SPANXD: variants seen among roughly 807,000 people sequenced by gnomAD.
The protein encoded by SPANXD is SPANX family member D.
In SPANXD, 2 loss-of-function variants were observed where a neutral mutation model predicts 1.8. The observed-to-expected ratio is 1.10, with a 90% CI of 0.45 to 3.47. SPANXD has a LOEUF of 3.47. Among genes scored for constraint, SPANXD ranks in the 30% most tolerant of loss-of-function variants. SPANXD has a pLI of 0.08. For synonymous variants in SPANXD, 30 were observed against 32.9 expected (o/e 0.91, Z 0.30); for missense variants, 80 against 81.6 (o/e 0.98, Z 0.07).
rs2016822911 is a variant in SPANXD, at chrX:141,698,477, C to G, written c.-72G>C. 8.5e-7 allele frequency: 1 copy of G among 1,171,394 alleles called. No individual in the cohort carries two copies. Among genetic ancestry groups the G allele is most frequent in the African/African-American group, 1.9e-5 (1 of 51,771 alleles). ...TGAATCTTCTCAGTGGCCCGGAGCT[C>G]TTGCCCTCCCTATGTATACCCTCCT... On this transcript the variant is annotated 5_prime_UTR_variant, in exon 1 of 2. Transcript: ENST00000370515.
intron 1 of SPANXD, 64 bp from the exon 2 acceptor site, chrX:141,697,750 T>G: frequency 9.2e-7 from 1 of 1,084,707 alleles, no homozygotes; most frequent in Non-Finnish European, 1.3e-6. Context: ...AGAGACTGGA[T>G]AGCAAGGGGG....
At position 141,698,612 on chromosome X, in the gene SPANXD, A is replaced by G; in HGVS notation, c.-207T>C. 1.5e-6 allele frequency: 1 copy of G among 667,480 alleles called. No individual in the cohort carries two copies. The highest frequency in any genetic ancestry group is 3.6e-5 in the East Asian group (1 of 27,520). 55.0% of individuals were successfully genotyped at this position (667,480 alleles called of 1,213,427 possible). ...ACGTCACAAAGCCCCACTGCTGACC[A>G]CTCCCTGGGCTTGCGGGCGAGGGGT... On this transcript the variant is annotated 5_prime_UTR_variant, in exon 1 of 2. Transcript: ENST00000370515.
chrX:141,697,708 G>C, intron 1 of SPANXD, 22 bp from the exon 2 acceptor site: 2 of 1,190,598 alleles, frequency 1.7e-6, no homozygotes, highest in Non-Finnish European at 2.3e-6. Flanking sequence ...ACAGGGAGAG[G>C]CCAGGAGGAC....
rs201337521 is a variant in SPANXD, at chrX:141,697,546, G to T, written c.213C>A (p.His71Gln). The change falls in exon 2 of 2, where the codon CAC becomes CAA. Residue 71 changes from histidine (H) to glutamine (Q), a missense_variant. Around this residue, in one of 2 missense-constraint regions of SPANXD, gnomAD observed 78 missense variants for 58.7 expected, o/e 1.33. Transcript: ENST00000370515. ...RTSPEELVND[H>Q]ARKNRINPLQ... Reference sequence around the variant, plus strand: ...GGGGGTTGATTCTGTTCTTTCGGGCGTGGTCATTCACCAGTTCCTCTGGAG... The same window carrying T: ...GGGGGTTGATTCTGTTCTTTCGGGCTTGGTCATTCACCAGTTCCTCTGGAG... The T allele has an allele frequency of 5.0e-6, 6 of 1,204,651 alleles. No individual in the cohort carries two copies. In the African/African-American group the frequency reaches 8.9e-5, roughly 18 times the overall value.
chrX:141,698,615 C>T lies in SPANXD; in HGVS notation c.-210G>A, dbSNP rs868991881. 3.1e-5 allele frequency: 20 copies of T among 643,924 alleles called. No individual in the cohort carries two copies. The South Asian group carries it at 5.0e-4, about 16-fold the overall frequency. 53.1% of individuals were successfully genotyped at this position (643,924 alleles called of 1,213,427 possible). ...TCACAAAGCCCCACTGCTGACCACT[C>T]CCTGGGCTTGCGGGCGAGGGGTGAC... is the stretch of plus-strand genomic sequence containing the variant. On this transcript the variant is annotated 5_prime_UTR_variant, in exon 1 of 2. Transcript: ENST00000370515.
chrX:141,697,616 G>T lies in SPANXD; in HGVS notation c.143C>A (p.Ser48Ter), dbSNP rs199908821. The T allele has an allele frequency of 1.9e-4, 223 of 1,189,521 alleles. 7 individuals carry two copies. Among genetic ancestry groups the T allele is most frequent in the Non-Finnish European group, 2.1e-4 (184 of 881,527 alleles). Residue 48 changes from serine (S) to a stop codon, truncating the protein, a stop_gained, in exon 2 of 2, where the codon TCG (serine) becomes TAG (stop). Coordinates refer to ENST00000370515, the MANE Select transcript of SPANXD (RefSeq NM_032417.4). LOFTEE classifies it low-confidence loss of function (END_TRUNC). The part of the protein sequence containing the change: ...APKKLKTSES[S>*]TILVVRYRRN... ...CCTGTAGCGAACCACTAGTATGGTC[G>T]AGGACTCAGATGTTTTTAGTTTTTT...
Position 141,697,571 on chromosome X carries a change from G to T in SPANXD, c.188C>A (p.Ser63Tyr). 8.3e-7 allele frequency: 1 copy of T among 1,206,300 alleles called. No homozygotes were observed. Among genetic ancestry groups the T allele is most frequent in the Non-Finnish European group, 1.1e-6 (1 of 892,306 alleles). ...VRYRRNFKRTSPEELVNDHAR... is the reference protein window; with the variant it reads ...VRYRRNFKRTYPEELVNDHAR... ...GTGGTCATTCACCAGTTCCTCTGGA[G>T]ATGTTCTTTTAAAGTTCCTCCTGTA... Residue 63 changes from serine to tyrosine, a missense_variant, in exon 2 of 2, where the codon TCT becomes TAT. Around this residue, in one of 2 missense-constraint regions of SPANXD, gnomAD observed 78 missense variants for 58.7 expected, o/e 1.33. Coordinates refer to ENST00000370515, the MANE Select transcript of SPANXD (RefSeq NM_032417.4).
chrX:141,697,604 A>C lies in SPANXD; in HGVS notation c.155T>G (p.Val52Gly). The C allele has an allele frequency of 8.3e-7, 1 of 1,202,226 alleles. No homozygotes were observed. Among genetic ancestry groups the C allele is most frequent in the Non-Finnish European group, 1.1e-6 (1 of 889,736 alleles). ...LKTSESSTIL[V>G]VRYRRNFKRT... The stretch of plus-strand genomic sequence containing the variant: ...TTTAAAGTTCCTCCTGTAGCGAACC[A>C]CTAGTATGGTCGAGGACTCAGATGT... The change falls in exon 2 of 2, where the codon GTG becomes GGG. Residue 52 changes from valine to glycine, a missense_variant. Physicochemically the swap from Val to Gly is moderately radical, Grantham distance 109 (BLOSUM62 -3). Transcript: ENST00000370515.
chrX:141,697,559 A>G lies in SPANXD; in HGVS notation c.200T>C (p.Leu67Pro), dbSNP rs782588209. 10 of 1,206,468 alleles carry G rather than the reference A, an allele frequency of 8.3e-6. No homozygotes were observed. Among genetic ancestry groups the G allele is most frequent in the South Asian group, 1.8e-5 (1 of 56,664 alleles). ...RNFKRTSPEE[L>P]VNDHARKNRI... ...GTTCTTTCGGGCGTGGTCATTCACCAGTTCCTCTGGAGATGTTCTTTTAAA... is the reference window on the plus strand; with the variant it reads ...GTTCTTTCGGGCGTGGTCATTCACCGGTTCCTCTGGAGATGTTCTTTTAAA... The change falls in exon 2 of 2, where the codon CTG (leucine) becomes CCG (proline). Residue 67 changes from leucine to proline, a missense_variant. Physicochemically the swap from Leu to Pro is moderately conservative, Grantham distance 98. This residue lies in a region of SPANXD where 78 missense variants were observed against 58.7 expected (regional missense o/e 1.33). Transcript: ENST00000370515.
rs1263632656 is a variant in SPANXD at position 141,698,622 on chromosome X, C to G, written c.-217G>C. Reference sequence around the variant, plus strand: ...GCCCCACTGCTGACCACTCCCTGGGCTTGCGGGCGAGGGGTGACAGGGGTG... The same window carrying G: ...GCCCCACTGCTGACCACTCCCTGGGGTTGCGGGCGAGGGGTGACAGGGGTG... On this transcript the variant is annotated 5_prime_UTR_variant, in exon 1 of 2. Coordinates refer to ENST00000370515, the MANE Select transcript of SPANXD (RefSeq NM_032417.4). 20 of 557,085 alleles carry G rather than the reference C, an allele frequency of 3.6e-5. No individual in the cohort carries two copies. Among genetic ancestry groups the G allele is most frequent in the Non-Finnish European group, 5.6e-5 (20 of 354,631 alleles). The allele number at this position is 557,085 out of a possible 1,213,427, so 45.9% of individuals were successfully genotyped here. A position where few individuals can be genotyped will look rare whatever the true frequency, so the allele number is the denominator to read the frequency against.
rs373261190 is a variant in SPANXD, at chrX:141,697,599, G to C, written c.160C>G (p.Arg54Gly). Residue 54 changes from arginine to glycine, a missense_variant, in exon 2 of 2, where the codon CGC (arginine) becomes GGC (glycine). Coordinates refer to ENST00000370515, the MANE Select transcript of SPANXD (RefSeq NM_032417.4). Reference sequence around the variant, plus strand: ...GTTCTTTTAAAGTTCCTCCTGTAGCGAACCACTAGTATGGTCGAGGACTCA... The same window carrying C: ...GTTCTTTTAAAGTTCCTCCTGTAGCCAACCACTAGTATGGTCGAGGACTCA... The part of the protein sequence containing the change: ...TSESSTILVV[R>G]YRRNFKRTSP... 6.6e-6 allele frequency: 8 copies of C among 1,203,308 alleles called. No individual in the cohort carries two copies. Among genetic ancestry groups the C allele is most frequent in the Non-Finnish European group, 7.9e-6 (7 of 890,489 alleles).
chrX:141,697,415 C>T lies in SPANXD; in HGVS notation c.*50G>A, dbSNP rs782778491. 8.3e-7 allele frequency: 1 copy of T among 1,208,604 alleles called. No individual in the cohort carries two copies. ...AGGCAGAGATATACACAGCCATCAG[C>T]TTCTCAAACTTTATTGTCATTGCCC... On this transcript the variant is annotated 3_prime_UTR_variant, in exon 2 of 2. Transcript: ENST00000370515.
chrX:141,697,649 G>A lies in SPANXD; in HGVS notation c.110C>T (p.Pro37Leu), dbSNP rs1556402415. The A allele has an allele frequency of 8.4e-7, 1 of 1,186,741 alleles. No individual in the cohort carries two copies. The highest frequency in any genetic ancestry group is 1.1e-6 in the Non-Finnish European group (1 of 880,100). Residue 37 changes from proline to leucine, a missense_variant, in exon 2 of 2, where the codon CCT (proline) becomes CTT (leucine). Pro to Leu is a moderately conservative substitution (Grantham distance 98). This residue lies in a region of SPANXD where 78 missense variants were observed against 58.7 expected (regional missense o/e 1.33). Transcript: ENST00000370515. ...ETSSGYSDPQ[P>L]APKKLKTSES... is the part of the protein sequence containing the mutation. The stretch of plus-strand genomic sequence containing the variant: ...AGATGTTTTTAGTTTTTTCGGAGCA[G>A]GTTGCGGGTCTGAGTACCCACTCGA...
chrX:141,697,521 G>C lies in SPANXD; in HGVS notation c.238C>G (p.Leu80Val), dbSNP rs150598024. 0.011 allele frequency: 12,771 copies of C among 1,193,525 alleles called. 113 individuals are homozygous for C. The highest frequency in any genetic ancestry group is 0.053 in the African/African-American group (2,891 of 54,614). ...DHARKNRINP[L>V]QMEEEEFMEI... The stretch of plus-strand genomic sequence containing the variant: ...ATGAATTCCTCCTCCTCCATTTGGA[G>C]GGGGTTGATTCTGTTCTTTCGGGCG... Residue 80 changes from leucine (L) to valine (V), a missense_variant, in exon 2 of 2, where the codon CTC (leucine) becomes GTC (valine). By Grantham distance (32) the Leu-to-Val change is conservative. Transcript: ENST00000370515.
In SPANXD at chrX:141,697,628, G is replaced by A. The variant is rs151331191; in HGVS notation, c.131C>T (p.Thr44Ile). ...CACTAGTATGGTCGAGGACTCAGAT[G>A]TTTTTAGTTTTTTCGGAGCAGGTTG... is the stretch of plus-strand genomic sequence containing the variant. ...DPQPAPKKLK[T>I]SESSTILVVR... Residue 44 changes from threonine to isoleucine, a missense_variant, in exon 2 of 2, where the codon ACA (threonine) becomes ATA (isoleucine). Thr to Ile is a moderately conservative substitution (Grantham distance 89). This residue lies in a region of SPANXD where 78 missense variants were observed against 58.7 expected (regional missense o/e 1.33). Coordinates refer to ENST00000370515, the MANE Select transcript of SPANXD (RefSeq NM_032417.4). 8.4e-6 allele frequency: 10 copies of A among 1,187,037 alleles called. No homozygotes were observed. The African/African-American group carries it at 1.6e-4, about 19-fold the overall frequency.
Position 141,698,528 on chromosome X carries a change from G to T in SPANXD, c.-123C>A, listed in dbSNP as rs1437008017. 16 of 746,395 alleles carry T rather than the reference G, an allele frequency of 2.1e-5. No homozygotes were observed. In the African/African-American group the frequency reaches 3.4e-4, roughly 16 times the overall value. 61.5% of individuals were successfully genotyped at this position (746,395 alleles called of 1,213,427 possible). A position where few individuals can be genotyped will look rare whatever the true frequency, so the allele number is the denominator to read the frequency against. ...GGTGACAAGGCAAAGCCACACCCTT[G>T]AGCTTTGTTTGATCATACAGGCAGT... On this transcript the variant is annotated 5_prime_UTR_variant, in exon 1 of 2. An upstream open reading frame in the 5' UTR gains an earlier in-frame stop. Coordinates refer to ENST00000370515, the MANE Select transcript of SPANXD (RefSeq NM_032417.4).
In SPANXD at chrX:141,697,637, T is replaced by A. The variant is rs376383101; in HGVS notation, c.122A>T (p.Lys41Ile). 3 of 1,188,491 alleles carry A rather than the reference T, an allele frequency of 2.5e-6. No individual in the cohort carries two copies. The South Asian group carries it at 5.5e-5, about 22-fold the overall frequency. Reference protein sequence around the residue: ...GYSDPQPAPKKLKTSESSTIL... With the variant: ...GYSDPQPAPKILKTSESSTIL... ...GGTCGAGGACTCAGATGTTTTTAGTTTTTTCGGAGCAGGTTGCGGGTCTGA... is the reference window on the plus strand; with the variant it reads ...GGTCGAGGACTCAGATGTTTTTAGTATTTTCGGAGCAGGTTGCGGGTCTGA... Residue 41 changes from lysine (K) to isoleucine (I), a missense_variant, in exon 2 of 2, where the codon AAA becomes ATA. Around this residue, in one of 2 missense-constraint regions of SPANXD, gnomAD observed 78 missense variants for 58.7 expected, o/e 1.33. Coordinates refer to ENST00000370515, the MANE Select transcript of SPANXD (RefSeq NM_032417.4).
rs201112943 is a variant in SPANXD, at chrX:141,697,683, G to A, written c.76C>T (p.Pro26Ser). The change falls in exon 2 of 2, where the codon CCG becomes TCG. Residue 26 changes from proline (P) to serine (S), a missense_variant. Transcript: ENST00000370515. ...CDSNEANEMM[P>S]ETSSGYSDPQ... ...TCTGAGTACCCACTCGAGGTCTCCGGCATCTGTTAAGAAAACAGGGAGAGG... is the reference window on the plus strand; with the variant it reads ...TCTGAGTACCCACTCGAGGTCTCCGACATCTGTTAAGAAAACAGGGAGAGG... 105 of 1,187,705 alleles carry A rather than the reference G, an allele frequency of 8.8e-5. No homozygotes were observed. The highest frequency in any genetic ancestry group is 4.7e-4 in the African/African-American group (26 of 55,227).
chrX:141,697,704 A>G lies in SPANXD; in HGVS notation c.73-18T>C. 2 of 1,191,372 alleles carry G rather than the reference A, an allele frequency of 1.7e-6. No homozygotes were observed. Among genetic ancestry groups the G allele is most frequent in the Non-Finnish European group, 2.3e-6 (2 of 880,595 alleles). ...TCCGGCATCTGTTAAGAAAACAGGG[A>G]GAGGCCAGGAGGACATTATTTTGGG... On this transcript the variant is annotated intron_variant, in intron 1 of 1. Coordinates refer to ENST00000370515, the MANE Select transcript of SPANXD (RefSeq NM_032417.4).
Sources: allele counts gnomAD v4.1 joint callset, GRCh38; gene constraint gnomAD v4.1.1; regional missense constraint gnomAD v4.1.1; transcripts MANE v1.5; gene names NCBI Gene and HGNC (gene_info 2026-07-23, HGNC 2026-07-21).